HTR4: variants seen among roughly 807,000 people sequenced by gnomAD.
The protein encoded by HTR4 is 5-hydroxytryptamine (serotonin) receptor 4, G protein-coupled.
A neutral mutation model predicts 36.8 loss-of-function variants in HTR4; 16 were observed. That is an observed-to-expected ratio of 0.43 (90% CI 0.29 to 0.66). The LOEUF (loss-of-function observed/expected upper bound fraction) is 0.66, where lower values mean the gene tolerates loss of function less well. Among genes scored for constraint, HTR4 ranks in the 30% least tolerant of loss-of-function variants. The probability of loss-of-function intolerance (pLI) is 0.13; values close to 1 mark genes in which losing one functional copy is unlikely to be tolerated. For synonymous variants in HTR4, 189 were observed against 185.1 expected, an observed-to-expected ratio of 1.02 and a Z score of -0.17; for missense variants, 438 against 490.9, an observed-to-expected ratio of 0.89 and a Z score of 1.02.
intron 2 of HTR4, among the ~76,000 whole-genome samples, chr5:148,582,164 G>A (rs112825821): frequency 3.2e-4 from 48 of 151,918 alleles, no homozygotes; most frequent in East Asian, 3.9e-4. Flanking sequence ...ACTCACTTTC[G>A]TGTGTTGGTT....
chr5:148,452,931 G>T (rs1755008643), intron 5 of HTR4, among the ~76,000 whole-genome samples: 1 of 152,204 alleles, frequency 6.6e-6, no homozygotes, highest in Non-Finnish European at 1.5e-5. Flanking sequence ...TAGATGCTCA[G>T]CCTCCAAACC....
At chr5:148,497,214 G>A (rs570890408) in intron 6 of HTR4, among the ~76,000 whole-genome samples, 5 of 152,192 alleles carry the variant, frequency 3.3e-5, no homozygotes, top group African/African-American at 9.6e-5. Flanking sequence ...TTGAGACAGG[G>A]TCTGGCTCTG....
chr5:148,517,703 T>A (rs1757824912), intron 5 of HTR4, among the ~76,000 whole-genome samples: 1 of 152,162 alleles, frequency 6.6e-6, no homozygotes, highest in Admixed American at 6.6e-5. Flanking sequence ...ACAATCTCGA[T>A]TGTTATCACT....
chr5:148,562,354 C>G (rs1268617570), intron 2 of HTR4, among the ~76,000 whole-genome samples: 2 of 152,130 alleles, frequency 1.3e-5, no homozygotes, highest in African/African-American at 4.8e-5. Flanking sequence ...ACACAAAGAC[C>G]TATAAGAGCC....
At chr5:148,561,943 C>T (rs1287893073) in intron 2 of HTR4, among the ~76,000 whole-genome samples, 2 of 152,200 alleles carry the variant, frequency 1.3e-5, no homozygotes, top group Non-Finnish European at 2.9e-5. Context: ...GGATACAGCT[C>T]TCCATATTTT....
chr5:148,482,938 G>T lies in HTR4; in HGVS notation c.*265C>A. 7.4e-7 allele frequency: 1 copy of T among 1,352,840 alleles called. No individual in the cohort carries two copies. The highest frequency in any genetic ancestry group is 9.5e-7 in the Non-Finnish European group (1 of 1,047,356). 83.8% of individuals were successfully genotyped at this position (1,352,840 alleles called of 1,614,324 possible). On this transcript the variant is annotated 3_prime_UTR_variant, in exon 7 of 7. Coordinates refer to ENST00000377888, the MANE Select transcript of HTR4 (RefSeq NM_000870.7). ...ACGGGAACATGTCAGAGACACCAGA[G>T]ACCACGCGGCAAAAGCAGAGAATCT...
At chr5:148,608,189 CA>C (rs1327656048) in intron 2 of HTR4, among the ~76,000 whole-genome samples, 3 of 152,182 alleles carry the variant, frequency 2.0e-5, no homozygotes, top group Non-Finnish European at 4.4e-5. Context: ...CACATTCACT[CA>C]ACAAATATTT....
intron 4 of HTR4, among the ~76,000 whole-genome samples, chr5:148,547,234 A>G (rs1250643386): frequency 6.6e-6 from 1 of 152,136 alleles, no homozygotes; most frequent in African/African-American, 2.4e-5. Context: ...TGGGAAGACT[A>G]TGATGTTAGT....
intron 4 of HTR4, among the ~76,000 whole-genome samples, chr5:148,546,928 T>C (rs1283835790): frequency 6.6e-6 from 1 of 152,226 alleles, no homozygotes; most frequent in African/African-American, 2.4e-5. Context: ...AACAAGCTAA[T>C]AAACACAAAT....
At chr5:148,571,397 T>C (rs1447959772) in intron 2 of HTR4, among the ~76,000 whole-genome samples, 2 of 152,134 alleles carry the variant, frequency 1.3e-5, no homozygotes, top group East Asian at 1.9e-4. Flanking sequence ...CTGTTGTAGA[T>C]GAGCCTAGCA....
intron 2 of HTR4, among the ~76,000 whole-genome samples, chr5:148,600,888 C>A (rs963844082): frequency 1.4e-4 from 20 of 143,376 alleles, no homozygotes; most frequent in African/African-American, 5.2e-4. Context: ...AAAATGCAAC[C>A]CACAGAATAA....
Position 148,481,664 on chromosome 5 carries a change from C to A in HTR4, c.*1539G>T. The A allele has an allele frequency of 6.7e-7, 1 of 1,489,812 alleles. No homozygotes were observed. Among genetic ancestry groups the A allele is most frequent in the Non-Finnish European group, 8.8e-7 (1 of 1,133,712 alleles). 92.3% of individuals were successfully genotyped at this position (1,489,812 alleles called of 1,614,324 possible). A position where few individuals can be genotyped will look rare whatever the true frequency, so the allele number is the denominator to read the frequency against. On this transcript the variant is annotated 3_prime_UTR_variant, in exon 7 of 7. Transcript: ENST00000377888. ...ACAACAATGGAAACAATAACTGACA[C>A]CTTATAAGCAATAAGAAAAAAAGAG...
chr5:148,562,291 C>T (rs149706699), intron 2 of HTR4, among the ~76,000 whole-genome samples: 1 of 152,238 alleles, frequency 6.6e-6, no homozygotes, highest in East Asian at 1.9e-4. Context: ...TGTCATGACC[C>T]CTGCTCTTTT....
intron 5 of HTR4, among the ~76,000 whole-genome samples, chr5:148,521,999 G>T (rs559502750): frequency 5.5e-4 from 83 of 152,154 alleles, no homozygotes; most frequent in Non-Finnish European, 1.0e-3. Context: ...TTATAGGAGG[G>T]ACCTGGTGGG....
intron 1 of HTR4, among the ~76,000 whole-genome samples, chr5:148,649,944 C>T (rs1241690274): frequency 6.6e-6 from 1 of 152,134 alleles, no homozygotes; most frequent in East Asian, 1.9e-4. Flanking sequence ...ACATCATCAC[C>T]TGCGAACCTA....
At chr5:148,554,366 C>T (rs1314929584) in intron 2 of HTR4, among the ~76,000 whole-genome samples, 7 of 152,092 alleles carry the variant, frequency 4.6e-5, no homozygotes, top group Admixed American at 1.3e-4. Context: ...TGAGCCACCG[C>T]GCCCGGCCAG....
At chr5:148,566,306 G>T (rs1760440905) in intron 2 of HTR4, among the ~76,000 whole-genome samples, 2 of 152,160 alleles carry the variant, frequency 1.3e-5, no homozygotes, top group Non-Finnish European at 2.9e-5. Flanking sequence ...TATAGTGAAA[G>T]ATTAATTTGT....
chr5:148,459,769 A>AC (rs1386792649), intron 5 of HTR4, among the ~76,000 whole-genome samples: 10 of 152,206 alleles, frequency 6.6e-5, no homozygotes, highest in Non-Finnish European at 1.2e-4. Flanking sequence ...AAACAAACAA[A>AC]AAAAACCACA....
intron 5 of HTR4, among the ~76,000 whole-genome samples, chr5:148,521,637 C>T (rs901539792): frequency 6.6e-6 from 1 of 152,014 alleles, no homozygotes; most frequent in Non-Finnish European, 1.5e-5. Flanking sequence ...ATCCCTTTCT[C>T]TCTCTCTACA....
Sources: gnomAD v4.1 joint callset for allele counts (sites outside exome capture counted in the v4.1 genomes callset) on GRCh38, gnomAD v4.1.1 for gene constraint, MANE v1.5 for transcripts, NCBI Gene and HGNC (gene_info 2026-07-23, HGNC 2026-07-21) for gene names.